The following CDH4 variants were observed in gnomAD, a reference collection of about 807,000 sequenced individuals.
CDH4 encodes the protein cadherin-4.
In CDH4, 33 loss-of-function variants were observed where a neutral mutation model predicts 86.0. The ratio of observed to expected loss-of-function variants is 0.38; its 90% CI spans 0.29 to 0.51. CDH4 has a LOEUF of 0.51. Ranked by LOEUF, CDH4 falls within the 20% of genes least tolerant of loss-of-function variation. CDH4 has a pLI of 0.86. For synonymous variants in CDH4, 555 were observed against 549.4 expected (o/e 1.01, Z -0.14); for missense variants, 1,114 against 1,307.4 (o/e 0.85, Z 2.28).
chr20:61,354,244 T>G (rs748407290), intron 2 of CDH4, among the ~76,000 whole-genome samples: 7 of 151,938 alleles, frequency 4.6e-5, no homozygotes, highest in Non-Finnish European at 8.8e-5. Flanking sequence ...AGCGGAAATG[T>G]CTCCCGGCAG....
chr20:61,866,479 G>A lies in CDH4; in HGVS notation c.878-7249G>A, dbSNP rs143670099. ...GGCCAGCTGCCCTCTGTGCCATCAC[G>A]ATTAGGTACCATCATTATTTTAAAG... is the stretch of plus-strand genomic sequence containing the variant. On this transcript the variant is annotated intron_variant, in intron 6 of 15. Coordinates refer to ENST00000614565, the MANE Select transcript of CDH4 (RefSeq NM_001794.5). Among the ~76,000 whole-genome samples, 192 of 152,274 alleles carry A rather than the reference G, an allele frequency of 1.3e-3. 4 individuals carry two copies. The East Asian group carries it at 0.034, about 27-fold the overall frequency.
chr20:61,825,593 C>G (rs137916512), intron 4 of CDH4, among the ~76,000 whole-genome samples: 32 of 152,280 alleles, frequency 2.1e-4, no homozygotes, highest in African/African-American at 7.7e-4. Context: ...CTGTATTTAT[C>G]TCTGATTTAC....
chr20:61,516,860 C>A lies in CDH4; in HGVS notation c.170-226703C>A, dbSNP rs948231354. On this transcript the variant is annotated intron_variant, in intron 2 of 15. Transcript: ENST00000614565. The surrounding 1 kb of genome is among the most constrained non-coding windows in gnomAD (Gnocchi z 4.0). The stretch of plus-strand genomic sequence containing the variant: ...CAGCCCCTGCTCCCCTACTCCCTGG[C>A]TCCTCGTCCTAGCAAGGAGCTCCAG... Among the ~76,000 whole-genome samples the A allele has an allele frequency of 6.6e-6, 1 of 152,246 alleles. No homozygotes were observed. Among genetic ancestry groups the A allele is most frequent in the Non-Finnish European group, 1.5e-5 (1 of 68,040 alleles).
chr20:61,697,120 A>G (rs963281024), intron 2 of CDH4, among the ~76,000 whole-genome samples: 3 of 152,184 alleles, frequency 2.0e-5, no homozygotes, highest in African/African-American at 7.2e-5. Context: ...AGCCCCGGGA[A>G]GCTAACATAG....
chr20:61,478,206 A>T (rs2085549952), intron 2 of CDH4, among the ~76,000 whole-genome samples: 1 of 152,098 alleles, frequency 6.6e-6, no homozygotes, highest in Admixed American at 6.5e-5. Flanking sequence ...GTGAGCGTGG[A>T]GTGTGCAGCA....
rs2123110863 is a variant in CDH4, at chr20:61,254,862, A to C, written c.94A>C (p.Lys32Gln). Reference protein sequence around the residue: ...NEDLTTRETCKAGFSEDDYTA... With the variant: ...NEDLTTRETCQAGFSEDDYTA... ...GGATCTTACAACTAGAGAGACCTGC[A>C]AGGCTGGGTTCTCTGAAGATGATTA... The change falls in exon 2 of 16, where the codon AAG (lysine) becomes CAG (glutamine). Residue 32 changes from lysine (K) to glutamine (Q), a missense_variant. Physicochemically the swap from Lys to Gln is moderately conservative, Grantham distance 53. Around this residue, in one of 3 missense-constraint regions of CDH4, gnomAD observed 221 missense variants for 209.5 expected, o/e 1.05. Transcript: ENST00000614565. 2 of 1,612,738 alleles carry C rather than the reference A, an allele frequency of 1.2e-6. No individual in the cohort carries two copies. Among genetic ancestry groups the C allele is most frequent in the Middle Eastern group, 3.3e-4 (2 of 6,060 alleles).
At chr20:61,912,154 A>AC (rs1000881847) in intron 9 of CDH4, among the ~76,000 whole-genome samples, 2 of 152,080 alleles carry the variant, frequency 1.3e-5, no homozygotes, top group Non-Finnish European at 2.9e-5. Context: ...AGAATGGCTC[A>AC]CCCCTCCTTT....
chr20:61,455,997 G>A (rs926817198), intron 2 of CDH4, among the ~76,000 whole-genome samples: 1 of 151,726 alleles, frequency 6.6e-6, no homozygotes, highest in African/African-American at 2.4e-5. Context: ...ATGGATGGAT[G>A]GATAGATATA....
intron 2 of CDH4, among the ~76,000 whole-genome samples, chr20:61,633,907 G>A (rs1473236827): frequency 6.6e-6 from 1 of 152,168 alleles, no homozygotes; most frequent in Non-Finnish European, 1.5e-5. Context: ...AAACACGAGG[G>A]CTTTCTGTTG....
chr20:61,845,966 T>C (rs1982435994), intron 5 of CDH4, among the ~76,000 whole-genome samples: 1 of 152,246 alleles, frequency 6.6e-6, no homozygotes, highest in East Asian at 1.9e-4. Context: ...CTCCGGCTTT[T>C]CCACGCCAGA....
intron 2 of CDH4, among the ~76,000 whole-genome samples, chr20:61,373,148 G>A (rs1004131293): frequency 7.9e-5 from 12 of 152,324 alleles, no homozygotes; most frequent in African/African-American, 1.4e-4. Flanking sequence ...AACTGGGCAC[G>A]TCCTCTGTGT....
At chr20:61,498,985 C>T (rs1235031843) in intron 2 of CDH4, among the ~76,000 whole-genome samples, 6 of 152,162 alleles carry the variant, frequency 3.9e-5, no homozygotes, top group South Asian at 2.1e-4. Flanking sequence ...TAGAACCCCA[C>T]GTGTCCTGAG....
rs1438772379 is a variant in CDH4, at chr20:61,924,314, T to C, written c.1629-20T>C. On this transcript the variant is annotated intron_variant, in intron 10 of 15. Transcript: ENST00000614565. ...GCCCACCCCCAGCCTTACCTCCCCC[T>C]GCACTTGTGGTCTCCGCAGATACTC... 6 of 781,558 alleles carry C rather than the reference T, an allele frequency of 7.7e-6. No homozygotes were observed. Among genetic ancestry groups the C allele is most frequent in the South Asian group, 1.5e-5 (1 of 65,858 alleles). The allele number at this position is 781,558 out of a possible 1,614,324, so 48.4% of individuals were successfully genotyped here. A position where few individuals can be genotyped will look rare whatever the true frequency, so the allele number is the denominator to read the frequency against.
At chr20:61,354,451 A>T (rs1177710813) in intron 2 of CDH4, among the ~76,000 whole-genome samples, 1 of 152,236 alleles carries the variant, frequency 6.6e-6, no homozygotes, top group African/African-American at 2.4e-5. Flanking sequence ...GGATCCACTG[A>T]TGCACATTGA....
chr20:61,831,289 G>A (rs537362425), intron 4 of CDH4, among the ~76,000 whole-genome samples: 5 of 152,326 alleles, frequency 3.3e-5, no homozygotes, highest in East Asian at 3.9e-4. Context: ...ATGGGTCCTC[G>A]TGGTGACCAG....
chr20:61,555,186 C>G (rs562714565), intron 2 of CDH4, among the ~76,000 whole-genome samples: 1 of 152,322 alleles, frequency 6.6e-6, no homozygotes, highest in Admixed American at 6.5e-5. Flanking sequence ...CAAGTTGTAG[C>G]TGCTGCTTCA....
intron 2 of CDH4, among the ~76,000 whole-genome samples, chr20:61,665,512 T>G (rs6061711): frequency 6.6e-6 from 1 of 152,126 alleles, no homozygotes; most frequent in Non-Finnish European, 1.5e-5. Flanking sequence ...CTTCTTTCCC[T>G]GGGTTCTCCC....
At chr20:61,871,452 TA>T (rs1411866463) in intron 6 of CDH4, among the ~76,000 whole-genome samples, 1 of 152,214 alleles carries the variant, frequency 6.6e-6, no homozygotes, top group Non-Finnish European at 1.5e-5. Context: ...TGCTGCTAAG[TA>T]GGGGACGCTA....
chr20:61,556,563 A>G (rs2086179011), intron 2 of CDH4, among the ~76,000 whole-genome samples: 1 of 152,228 alleles, frequency 6.6e-6, no homozygotes, highest in Non-Finnish European at 1.5e-5. Context: ...AAATGGAACA[A>G]GGGGGCCTCT....
Sources: gnomAD v4.1 joint callset for allele counts (sites outside exome capture counted in the v4.1 genomes callset) on GRCh38, gnomAD v4.1.1 for gene constraint, gnomAD v4.1.1 regional missense constraint, Gnocchi (gnomAD v3.1) non-coding constraint, MANE v1.5 for transcripts, NCBI Gene and HGNC (gene_info 2026-07-23, HGNC 2026-07-21) for gene names.